SP140: variants seen among roughly 807,000 people sequenced by gnomAD.
SP140 encodes the protein nuclear body protein SP140.
In SP140, 81 loss-of-function variants were observed where a neutral mutation model predicts 125.0. That is an observed-to-expected ratio of 0.65 (90% CI 0.54 to 0.78). SP140 has a LOEUF of 0.78. Among genes scored for constraint, SP140 ranks in the 30% least tolerant of loss-of-function variants. SP140 has a pLI of 0.00. For synonymous variants in SP140, 312 were observed against 354.0 expected, an observed-to-expected ratio of 0.88 and a Z score of 1.33; for missense variants, 858 against 1,037.0, an observed-to-expected ratio of 0.83 and a Z score of 2.37.
At chr2:230,301,981 A>G (rs2058321520) in intron 22 of SP140, among the ~76,000 whole-genome samples, 1 of 152,198 alleles carries the variant, frequency 6.6e-6, no homozygotes, top group South Asian at 2.1e-4. Flanking sequence ...AGGAGTAGGT[A>G]TTCTTACATC....
rs889825495 is a variant in SP140 at position 230,276,384 on chromosome 2, G to A, written c.1498+5745G>A. ...AGTCTACTCTGCCTATGCTGTATAAGTAAAATAAAGCCCAGATCATAGAAC... is the reference window on the plus strand; with the variant it reads ...AGTCTACTCTGCCTATGCTGTATAAATAAAATAAAGCCCAGATCATAGAAC... On this transcript the variant is annotated intron_variant, in intron 15 of 26. Transcript: ENST00000392045. Among the ~76,000 whole-genome samples, 4 of 152,106 alleles carry A rather than the reference G, an allele frequency of 2.6e-5. 1 individual carries two copies. Among genetic ancestry groups the A allele is most frequent in the Non-Finnish European group, 2.9e-5 (2 of 67,996 alleles).
chr2:230,202,319 A>G (rs1283841984), upstream of SP140, among the ~76,000 whole-genome samples: 1 of 152,218 alleles, frequency 6.6e-6, no homozygotes, highest in Non-Finnish European at 1.5e-5. Flanking sequence ...GAGAGCATAA[A>G]GGAGTCCTGA....
chr2:230,238,846 TG>T, intron 3 of SP140: 1 of 1,554,028 alleles, frequency 6.4e-7, no homozygotes, highest in Non-Finnish European at 8.7e-7. Context: ...TAGCACATAC[TG>T]GTACACTGAG....
intron 22 of SP140, among the ~76,000 whole-genome samples, chr2:230,302,521 A>G (rs2058378749): frequency 6.6e-6 from 1 of 152,250 alleles, no homozygotes; most frequent in Non-Finnish European, 1.5e-5. Context: ...AAGTCAACCA[A>G]GAAACAATGG....
At chr2:230,221,711 C>T (rs1348316622), upstream of SP140, 1 of 1,535,908 alleles carries the variant, frequency 6.5e-7, no homozygotes, top group Non-Finnish European at 8.7e-7. Context: ...TTACCTGAAG[C>T]CCCTCCCCAT....
At chr2:230,213,014 A>G in intron 1 of SP140, 1 of 1,614,032 alleles carries the variant, frequency 6.2e-7, no homozygotes, top group Non-Finnish European at 8.5e-7. Context: ...TCTGCCATTC[A>G]TAGGAAGCAC....
At chr2:230,219,677 GC>G (rs1190642729) in intron 3 of SP140, 1 of 152,998 alleles carries the variant, frequency 6.5e-6, no homozygotes, top group African/African-American at 2.4e-5. Context: ...CTGGACTCTG[GC>G]GAAAAAAAGA....
chr2:230,223,951 G>A (rs17263269), upstream of SP140, among the ~76,000 whole-genome samples: 17,343 of 152,238 alleles, frequency 0.11, 1,246 homozygotes, highest in South Asian at 0.19. Context: ...CACTGGTCAC[G>A]TGGCAGTAAA....
At chr2:230,316,076 T>C (rs933723627), downstream of SP140, among the ~76,000 whole-genome samples, 1 of 152,206 alleles carries the variant, frequency 6.6e-6, no homozygotes, top group Non-Finnish European at 1.5e-5. Flanking sequence ...TGAATCCTGC[T>C]CCGTGTTACA....
intron 3 of SP140, among the ~76,000 whole-genome samples, chr2:230,239,876 C>T (rs890651729): frequency 2.0e-5 from 3 of 152,182 alleles, no homozygotes; most frequent in African/African-American, 7.2e-5. Context: ...GTGTTCCAGG[C>T]TGTGGCAATG....
intron 1 of SP140, chr2:230,212,702 C>T (rs1245219917): frequency 6.2e-7 from 1 of 1,603,360 alleles, no homozygotes; most frequent in Non-Finnish European, 8.5e-7. Context: ...TTGGCGGCAA[C>T]ATGGCACAGG....
chr2:230,277,081 A>G (rs557420292), intron 15 of SP140, among the ~76,000 whole-genome samples: 26 of 152,286 alleles, frequency 1.7e-4, no homozygotes, highest in African/African-American at 6.0e-4. Flanking sequence ...AAGGATTTAG[A>G]ATATATTAGT....
At chr2:230,234,129 G>A (rs760091259) in intron 1 of SP140, among the ~76,000 whole-genome samples, 6 of 152,086 alleles carry the variant, frequency 3.9e-5, no homozygotes, top group Admixed American at 6.6e-5. Context: ...CAAATAATTC[G>A]TCCTACACAG....
intron 12 of SP140, among the ~76,000 whole-genome samples, chr2:230,259,768 CATCATATATATATATATATATAT>C (rs2051877203): frequency 2.1e-5 from 1 of 46,532 alleles, no homozygotes; most frequent in Non-Finnish European, 5.7e-5. Context: ...CGTAGTATTC[CATCATATATATATATATATATAT>C]ATATACCACA....
Position 230,270,607 on chromosome 2 carries a change from A to G in SP140, c.1466A>G (p.Asn489Ser). 6.2e-7 allele frequency: 1 copy of G among 1,610,090 alleles called. No homozygotes were observed. The highest frequency in any genetic ancestry group is 8.5e-7 in the Non-Finnish European group (1 of 1,178,346). Residue 489 changes from asparagine (N) to serine (S), a missense_variant, in exon 15 of 27, where the codon AAC becomes AGC. Asn to Ser is a conservative substitution (Grantham distance 46). Coordinates refer to ENST00000392045, the MANE Select transcript of SP140 (RefSeq NM_007237.5). The part of the protein sequence containing the change: ...GTMDTVDIAN[N>S]STLGKPKRKR... ...CCAGATACTGTGGATATTGCAAACA[A>G]CTCCACTTTGGGAAAACCCAAGAGG...
At position 230,310,731 on chromosome 2, in the gene SP140, C is replaced by G. The variant is rs757778191; in HGVS notation, c.2175-12C>G. 1.3e-6 allele frequency: 2 copies of G among 1,496,614 alleles called. No individual in the cohort carries two copies. The highest frequency in any genetic ancestry group is 9.1e-7 in the Non-Finnish European group (1 of 1,103,188). 92.7% of individuals were successfully genotyped at this position (1,496,614 alleles called of 1,614,324 possible). ...CTCCCTGCCCTCTGCTCACCCATGT[C>G]CAATCTCTCAGGACCCCGTGGAATT... On this transcript the variant is annotated splice_polypyrimidine_tract_variant and intron_variant, in intron 23 of 26. Transcript: ENST00000392045.
chr2:230,257,633 C>T (rs2051454880), intron 12 of SP140, among the ~76,000 whole-genome samples: 1 of 151,872 alleles, frequency 6.6e-6, no homozygotes, highest in Non-Finnish European at 1.5e-5. Context: ...TGGTTGTGGT[C>T]GAGCACACCT....
intron 3 of SP140, chr2:230,215,237 T>C: frequency 2.5e-6 from 2 of 797,616 alleles, no homozygotes; most frequent in Non-Finnish European, 2.1e-6. Flanking sequence ...AAATTCAACA[T>C]AAAATATATA....
chr2:230,199,565 T>C (rs1417100830), upstream of SP140, among the ~76,000 whole-genome samples: 3 of 152,080 alleles, frequency 2.0e-5, no homozygotes, highest in Non-Finnish European at 4.4e-5. Flanking sequence ...CAGGAACTTT[T>C]CTATGTTGAA....
Sources: gnomAD v4.1 joint callset for allele counts (sites outside exome capture counted in the v4.1 genomes callset) on GRCh38, gnomAD v4.1.1 for gene constraint, MANE v1.5 for transcripts, NCBI Gene and HGNC (gene_info 2026-07-23, HGNC 2026-07-21) for gene names.